The following SGCZ variants were observed in gnomAD, a reference collection of about 807,000 sequenced individuals.
SGCZ encodes sarcoglycan zeta.
Under a neutral mutation model 41.3 loss-of-function variants are expected in SGCZ, and 40 were observed. The observed-to-expected ratio is 0.97, with a 90% confidence interval of 0.75 to 1.26. The LOEUF (loss-of-function observed/expected upper bound fraction) is 1.26. Ranked by LOEUF, SGCZ falls within the 50% of genes most tolerant of loss-of-function variation. The pLI is 0.00. For missense variants in SGCZ, 552 were observed against 369.8 expected, an observed-to-expected ratio of 1.49 and a Z score of -4.04; for synonymous variants, 206 against 137.5, an observed-to-expected ratio of 1.50 and a Z score of -3.49.
At chr8:14,302,758 C>T (rs761534397) in intron 3 of SGCZ, among the ~76,000 whole-genome samples, 7 of 152,136 alleles carry the variant, frequency 4.6e-5, no homozygotes, top group Non-Finnish European at 7.3e-5. Flanking sequence ...GAAACACCGA[C>T]CCTAAATTTT....
intron 1 of SGCZ, among the ~76,000 whole-genome samples, chr8:15,232,789 G>GTGTATATATATACATATATATGCA (rs1801993838): frequency 1.6e-5 from 2 of 121,892 alleles, no homozygotes; most frequent in African/African-American, 5.7e-5. Context: ...ATATATATGT[G>GTGTATATATATACATATATATGCA]TGTATACATA....
intron 1 of SGCZ, chr8:14,853,414 A>T (rs1488574602): frequency 1.9e-6 from 1 of 527,150 alleles, no homozygotes; most frequent in African/African-American, 1.9e-5. Context: ...CCAAGGTCTC[A>T]TGAGGTAAAG....
intron 1 of SGCZ, among the ~76,000 whole-genome samples, chr8:14,626,882 C>A (rs1430430472): frequency 2.0e-5 from 3 of 152,106 alleles, no homozygotes; most frequent in African/African-American, 7.2e-5. Context: ...GTGATGGTAG[C>A]AAACTAATAA....
chr8:14,667,100 G>T (rs1010667865), intron 1 of SGCZ, among the ~76,000 whole-genome samples: 1 of 152,010 alleles, frequency 6.6e-6, no homozygotes, highest in African/African-American at 2.4e-5. Flanking sequence ...TATTCAAAGT[G>T]CTTGAAGCAG....
chr8:14,175,524 A>C (rs1440723719), intron 4 of SGCZ, among the ~76,000 whole-genome samples: 1 of 152,140 alleles, frequency 6.6e-6, no homozygotes, highest in African/African-American at 2.4e-5. Context: ...CATTATCCCC[A>C]ACCATCTTAA....
At chr8:14,207,950 T>C (rs866481407) in intron 4 of SGCZ, among the ~76,000 whole-genome samples, 1 of 152,168 alleles carries the variant, frequency 6.6e-6, no homozygotes, top group Admixed American at 6.5e-5. Flanking sequence ...TAGAAGATTT[T>C]CATTCCTCTA....
At position 14,423,354 on chromosome 8, in the gene SGCZ, AT is replaced by A. The variant is rs1267395682; in HGVS notation, c.235-99151del. On this transcript the variant is annotated intron_variant, in intron 2 of 7. Transcript: ENST00000382080. ...AAAAAAGTAAACTGTATCCTACTTA[AT>A]TTTTTAAAGATCTTATCCATTAAAA... 1.1e-4 allele frequency among the ~76,000 whole-genome samples: 16 copies of A among 152,192 alleles called. No individual in the cohort carries two copies. The East Asian group carries it at 3.1e-3, about 29-fold the overall frequency.
At chr8:15,070,450 A>G (rs911707170) in intron 1 of SGCZ, among the ~76,000 whole-genome samples, 1 of 152,180 alleles carries the variant, frequency 6.6e-6, no homozygotes, top group Non-Finnish European at 1.5e-5. Context: ...ATTTATCCAC[A>G]TAAAATGAAA....
intron 1 of SGCZ, among the ~76,000 whole-genome samples, chr8:14,584,611 T>C (rs1805001138): frequency 6.6e-6 from 1 of 152,040 alleles, no homozygotes; most frequent in Non-Finnish European, 1.5e-5. Context: ...TGAGCAAAGA[T>C]GTCAAAAGTT....
intron 1 of SGCZ, among the ~76,000 whole-genome samples, chr8:15,117,617 T>C (rs1162367895): frequency 1.3e-5 from 2 of 152,146 alleles, no homozygotes; most frequent in East Asian, 3.9e-4. Context: ...CTCTACCTCC[T>C]CTCATGGTGG....
intron 5 of SGCZ, among the ~76,000 whole-genome samples, chr8:14,154,235 TG>T (rs35948588): frequency 0.21 from 31,369 of 151,628 alleles, 3,380 homozygotes; most frequent in Middle Eastern, 0.26. Context: ...CCAGGCGTGG[TG>T]GTGGTCGCCT....
intron 7 of SGCZ, among the ~76,000 whole-genome samples, chr8:14,093,051 G>GA (rs1324303432): frequency 2.0e-5 from 3 of 151,046 alleles, no homozygotes; most frequent in African/African-American, 2.4e-5. Flanking sequence ...TTCAGAAAAA[G>GA]AAAAAAAACG....
chr8:14,895,293 T>G (rs901279827), intron 1 of SGCZ, among the ~76,000 whole-genome samples: 1 of 152,146 alleles, frequency 6.6e-6, no homozygotes, highest in South Asian at 2.1e-4. Context: ...TGATTGTTAG[T>G]GTACTCATCT....
At chr8:15,236,826 C>T (rs1471368413) in intron 1 of SGCZ, among the ~76,000 whole-genome samples, 1 of 151,940 alleles carries the variant, frequency 6.6e-6, no homozygotes, top group Admixed American at 6.5e-5. Flanking sequence ...CGCGGAGCGG[C>T]GGGGGGCTCC....
At chr8:14,983,192 CTT>C (rs66885648) in intron 1 of SGCZ, among the ~76,000 whole-genome samples, 23 of 135,244 alleles carry the variant, frequency 1.7e-4, no homozygotes, top group South Asian at 2.4e-4. Context: ...TTTCTTTTTT[CTT>C]TTTTTTTTTG....
chr8:14,353,029 C>T (rs1377571321), intron 2 of SGCZ, among the ~76,000 whole-genome samples: 2 of 152,014 alleles, frequency 1.3e-5, no homozygotes. Flanking sequence ...GCGTTCTTAC[C>T]TCTATGGACC....
intron 1 of SGCZ, among the ~76,000 whole-genome samples, chr8:15,114,456 T>TATTATAAATCAAAATACATAAA (rs1807191040): frequency 6.6e-6 from 1 of 152,246 alleles, no homozygotes; most frequent in Non-Finnish European, 1.5e-5. Context: ...ATTCTCTCTT[T>TATTATAAATCAAAATACATAAA]ACAAATGTAT....
chr8:14,138,594 AG>A (rs767355916), intron 5 of SGCZ, among the ~76,000 whole-genome samples: 1 of 152,166 alleles, frequency 6.6e-6, no homozygotes, highest in Non-Finnish European at 1.5e-5. Context: ...GAGACAAAGA[AG>A]GGCATTACAT....
chr8:15,098,061 T>G (rs1806454312), intron 1 of SGCZ, among the ~76,000 whole-genome samples: 1 of 151,604 alleles, frequency 6.6e-6, no homozygotes, highest in Non-Finnish European at 1.5e-5. Flanking sequence ...AACTCACGAC[T>G]TGGAAACCTG....
Sources: gnomAD v4.1 joint callset for allele counts (sites outside exome capture counted in the v4.1 genomes callset) on GRCh38, gnomAD v4.1.1 for gene constraint, MANE v1.5 for transcripts, NCBI Gene and HGNC (gene_info 2026-07-23, HGNC 2026-07-21) for gene names.